Variants in SLC16A10 observed in about 807,000 individuals in gnomAD.
SLC16A10 encodes solute carrier family 16 member 10, also known as monocarboxylate transporter 10.
In SLC16A10, 27 loss-of-function variants were observed where a neutral mutation model predicts 40.0. That is an observed-to-expected ratio of 0.67 (90% confidence interval 0.50 to 0.93). SLC16A10 has a LOEUF of 0.93. SLC16A10 is among the 40% of genes least tolerant of loss of function. The pLI, the probability that SLC16A10 is intolerant of heterozygous loss-of-function variation, is 0.00. For synonymous variants in SLC16A10, 213 were observed against 249.8 expected (o/e 0.85, Z 1.39); for missense variants, 529 against 658.2 (o/e 0.80, Z 2.15).
chr6:111,135,917 G>C (rs1380490273), intron 1 of SLC16A10, among the ~76,000 whole-genome samples: 1 of 152,146 alleles, frequency 6.6e-6, no homozygotes, highest in African/African-American at 2.4e-5. Flanking sequence ...TAAATACTTA[G>C]GGCTAAAATT....
chr6:111,170,870 A>G (rs1241756855), intron 1 of SLC16A10, among the ~76,000 whole-genome samples: 2 of 152,146 alleles, frequency 1.3e-5, no homozygotes, highest in African/African-American at 2.4e-5. Flanking sequence ...GGGTGTGGTG[A>G]CTCATGCCTG....
chr6:111,170,504 C>T (rs1447013625), intron 1 of SLC16A10, among the ~76,000 whole-genome samples: 1 of 152,170 alleles, frequency 6.6e-6, no homozygotes, highest in Non-Finnish European at 1.5e-5. Context: ...CTGGAGTGCG[C>T]AGTGGCGCGA....
intron 3 of SLC16A10, among the ~76,000 whole-genome samples, chr6:111,194,473 A>G (rs1348847964): frequency 6.6e-6 from 1 of 152,216 alleles, no homozygotes; most frequent in African/African-American, 2.4e-5. Flanking sequence ...CTGGAGTAAA[A>G]TAATGCCCAG....
Position 111,222,434 on chromosome 6 carries a change from C to T in SLC16A10, c.*199C>T, listed in dbSNP as rs1583371813. 1.8e-6 allele frequency: 1 copy of T among 540,644 alleles called. No individual in the cohort carries two copies. Among genetic ancestry groups the T allele is most frequent in the East Asian group, 4.0e-5 (1 of 24,782 alleles). 33.5% of individuals were successfully genotyped at this position (540,644 alleles called of 1,614,324 possible). A position where few individuals can be genotyped will look rare whatever the true frequency, so the allele number is the denominator to read the frequency against. ...TCTGATGTTTCCATGAGTCTGAGGG[C>T]AGAGACTCTGGTATATGAAAACGTC... On this transcript the variant is annotated 3_prime_UTR_variant, in exon 6 of 6. Coordinates refer to ENST00000368851, the MANE Select transcript of SLC16A10 (RefSeq NM_018593.5).
chr6:111,087,987 T>G lies in SLC16A10; in HGVS notation c.235T>G (p.Trp79Gly). Residue 79 changes from tryptophan (W) to glycine (G), a missense_variant, in exon 1 of 6, where the codon TGG (tryptophan) becomes GGG (glycine). Trp to Gly is a radical substitution (Grantham distance 184, BLOSUM62 -2). Coordinates refer to ENST00000368851, the MANE Select transcript of SLC16A10 (RefSeq NM_018593.5). ...CTGGCTGGTGATGCTGGCGGCCATG[T>G]GGTGCAACGGGTCGGTGTTCGGCAT... is the stretch of plus-strand genomic sequence containing the variant. ...WGWLVMLAAM[W>G]CNGSVFGIQN... The G allele has an allele frequency of 1.2e-6, 2 of 1,611,390 alleles. No homozygotes were observed. The highest frequency in any genetic ancestry group is 1.7e-6 in the Non-Finnish European group (2 of 1,179,064).
chr6:111,142,957 G>A (rs1384855695), intron 1 of SLC16A10, among the ~76,000 whole-genome samples: 5 of 152,290 alleles, frequency 3.3e-5, no homozygotes, highest in Admixed American at 2.6e-4. Context: ...CCAAAACTTT[G>A]AAGCAACCAA....
At chr6:111,162,332 A>G (rs4629728) in intron 1 of SLC16A10, among the ~76,000 whole-genome samples, 119 of 152,212 alleles carry the variant, frequency 7.8e-4, no homozygotes, top group Non-Finnish European at 1.5e-3. Context: ...TGTATCCTCA[A>G]ATACCTATGA....
At chr6:111,197,299 C>T (rs1336333156) in intron 3 of SLC16A10, among the ~76,000 whole-genome samples, 1 of 152,144 alleles carries the variant, frequency 6.6e-6, no homozygotes, top group Non-Finnish European at 1.5e-5. Flanking sequence ...GTAGAATTTT[C>T]ATGGAAGGAT....
At chr6:111,200,924 A>C (rs1394802823) in intron 3 of SLC16A10, among the ~76,000 whole-genome samples, 1 of 152,220 alleles carries the variant, frequency 6.6e-6, no homozygotes, top group Non-Finnish European at 1.5e-5. Context: ...CTCTGGTATG[A>C]ATAGCAGTGA....
intron 1 of SLC16A10, among the ~76,000 whole-genome samples, chr6:111,164,724 C>T (rs1208438155): frequency 6.6e-6 from 1 of 152,190 alleles, no homozygotes; most frequent in Admixed American, 6.5e-5. Flanking sequence ...TGCCACTGCA[C>T]TCCATCCTGG....
chr6:111,156,684 T>C (rs783084), intron 1 of SLC16A10, among the ~76,000 whole-genome samples: 43,003 of 152,046 alleles, frequency 0.28, 6,278 homozygotes, highest in Non-Finnish European at 0.31. Flanking sequence ...ATGTGGTATC[T>C]TGTATGGGAT....
chr6:111,108,837 C>T (rs1485957484), intron 1 of SLC16A10, among the ~76,000 whole-genome samples: 5 of 152,124 alleles, frequency 3.3e-5, no homozygotes, highest in Non-Finnish European at 2.9e-5. Context: ...TGCTTATGTA[C>T]ATTGTAAATT....
chr6:111,230,738 T>C lies in SLC16A10; in HGVS notation c.*8503T>C, dbSNP rs1771100363. On this transcript the variant is annotated 3_prime_UTR_variant, in exon 6 of 6. Transcript: ENST00000368851. ...TGTGGATATTTTAAGTATCTCCTAG[T>C]ATAATATGACATTGTTCATGTGGAC... is the stretch of plus-strand genomic sequence containing the variant. 1 of 152,238 alleles carries C rather than the reference T, an allele frequency of 6.6e-6. No individual in the cohort carries two copies. The highest frequency in any genetic ancestry group is 1.5e-5 in the Non-Finnish European group (1 of 68,052). 9.4% of individuals were successfully genotyped at this position (152,238 alleles called of 1,614,324 possible).
intron 2 of SLC16A10, among the ~76,000 whole-genome samples, chr6:111,174,363 C>T (rs2114544366): frequency 6.6e-6 from 1 of 151,562 alleles, no homozygotes; most frequent in South Asian, 2.1e-4. Context: ...CTCATTGCCG[C>T]CCCCCACCCC....
chr6:111,165,050 A>G (rs1772447104), intron 1 of SLC16A10, among the ~76,000 whole-genome samples: 1 of 152,198 alleles, frequency 6.6e-6, no homozygotes, highest in East Asian at 1.9e-4. Flanking sequence ...CACATATATA[A>G]CTACACAGAC....
At chr6:111,196,270 A>G (rs1037487111) in intron 3 of SLC16A10, among the ~76,000 whole-genome samples, 1 of 152,180 alleles carries the variant, frequency 6.6e-6, no homozygotes, top group Non-Finnish European at 1.5e-5. Context: ...CCCGTGAAGC[A>G]GAGGTTGCAG....
chr6:111,212,252 C>A lies in SLC16A10; in HGVS notation c.1086+5517C>A, dbSNP rs185242846. 3.2e-4 allele frequency among the ~76,000 whole-genome samples: 49 copies of A among 152,168 alleles called. No homozygotes were observed. In the Middle Eastern group the frequency reaches 0.014, roughly 42 times the overall value. On this transcript the variant is annotated intron_variant, in intron 4 of 5. Transcript: ENST00000368851. ...TCTTGGTGGCAGGTTATGTAAAGTG[C>A]CTAGCCCAGACTGGATGATTAATAA...
intron 1 of SLC16A10, among the ~76,000 whole-genome samples, chr6:111,153,178 A>G (rs1459130698): frequency 3.9e-5 from 6 of 152,180 alleles, no homozygotes; most frequent in Admixed American, 2.6e-4. Flanking sequence ...TCTGTTAAGC[A>G]TTATTAAATT....
chr6:111,089,196 A>G (rs879739845), intron 1 of SLC16A10, among the ~76,000 whole-genome samples: 1 of 152,162 alleles, frequency 6.6e-6, no homozygotes, highest in Non-Finnish European at 1.5e-5. Context: ...ACTGTAATAA[A>G]TTCTGAGACA....
Sources: gnomAD v4.1 joint callset for allele counts (sites outside exome capture counted in the v4.1 genomes callset) on GRCh38, gnomAD v4.1.1 for gene constraint, MANE v1.5 for transcripts, NCBI Gene and HGNC (gene_info 2026-07-23, HGNC 2026-07-21) for gene names.